MYO18B: variants seen among roughly 807,000 people sequenced by gnomAD.
MYO18B encodes the protein unconventional myosin-XVIIIb.
In MYO18B, 204 loss-of-function variants were observed where a neutral mutation model predicts 273.0. That is an observed-to-expected ratio of 0.75 (90% CI 0.67 to 0.84). The LOEUF is 0.84. Among genes scored for constraint, MYO18B ranks in the 40% least tolerant of loss-of-function variants. The pLI is 0.00. For synonymous variants in MYO18B, 1,330 were observed against 1,305.7 expected (o/e 1.02, Z -0.40); for missense variants, 3,212 against 3,287.6 (o/e 0.98, Z 0.56).
chr22:26,035,829 TTGTC>T (rs1414820088), downstream of MYO18B, among the ~76,000 whole-genome samples: 2 of 152,220 alleles, frequency 1.3e-5, no homozygotes, highest in East Asian at 1.9e-4. Flanking sequence ...GTGTGTCTCA[TTGTC>T]TGGGTGCAGC....
Position 25,910,955 on chromosome 22 carries a change from C to T in MYO18B, c.5269C>T (p.Leu1757=), listed in dbSNP as rs755657254. The T allele has an allele frequency of 7.5e-6, 12 of 1,591,964 alleles. No homozygotes were observed. The highest frequency in any genetic ancestry group is 1.0e-5 in the Non-Finnish European group (12 of 1,168,964). The change falls in exon 33 of 44, where the codon CTG becomes TTG. Residue 1757 remains leucine, a synonymous_variant. Coordinates refer to ENST00000335473, the MANE Select transcript of MYO18B (RefSeq NM_032608.7). ...RQSCQKRLHQ[L]EMQLEQEYEE... Reference sequence around the variant, plus strand: ...CCCTGTGTATCCACAGCTTCATCAGCTGGAAATGCAGCTGGAGCAAGAGTA... The same window carrying T: ...CCCTGTGTATCCACAGCTTCATCAGTTGGAAATGCAGCTGGAGCAAGAGTA...
At chr22:26,011,570 G>T (rs1039054236) in intron 42 of MYO18B, among the ~76,000 whole-genome samples, 4 of 152,208 alleles carry the variant, frequency 2.6e-5, no homozygotes, top group African/African-American at 9.7e-5. Flanking sequence ...AAGAATGGTG[G>T]GGAGGAAGGA....
At chr22:25,937,520 C>T (rs572418165) in intron 34 of MYO18B, among the ~76,000 whole-genome samples, 1 of 152,128 alleles carries the variant, frequency 6.6e-6, no homozygotes, top group African/African-American at 2.4e-5. Context: ...AAGATATTCT[C>T]CCCCATGGCC....
intron 39 of MYO18B, among the ~76,000 whole-genome samples, chr22:25,966,550 C>G (rs888684990): frequency 2.0e-5 from 3 of 152,116 alleles, no homozygotes; most frequent in South Asian, 4.2e-4. Context: ...AGGGAGATAG[C>G]CCTCCTAATT....
chr22:25,936,229 T>C (rs2092576683), intron 34 of MYO18B, among the ~76,000 whole-genome samples: 1 of 152,186 alleles, frequency 6.6e-6, no homozygotes, highest in African/African-American at 2.4e-5. Flanking sequence ...CTTTCTCTCT[T>C]TGGAGCATCA....
intron 14 of MYO18B, among the ~76,000 whole-genome samples, chr22:25,827,005 T>G (rs2089517563): frequency 6.6e-6 from 1 of 152,148 alleles, no homozygotes; most frequent in South Asian, 2.1e-4. Context: ...GAGGTTTCAG[T>G]GAGCCGAGAT....
intron 1 of MYO18B, among the ~76,000 whole-genome samples, chr22:25,753,690 G>A (rs1415496150): frequency 3.3e-5 from 5 of 152,122 alleles, no homozygotes; most frequent in South Asian, 2.1e-4. Context: ...CAGGAGGAAC[G>A]ACCAACTCCA....
intron 21 of MYO18B, 47 bp from the exon 22 acceptor site, chr22:25,868,273 C>T: frequency 6.6e-7 from 1 of 1,508,268 alleles, no homozygotes; most frequent in Non-Finnish European, 9.1e-7. Context: ...CCTTTAGGAT[C>T]CTCCTACCTT....
chr22:25,835,919 C>T (rs1298927199), intron 17 of MYO18B, among the ~76,000 whole-genome samples: 2 of 152,146 alleles, frequency 1.3e-5, no homozygotes, highest in Non-Finnish European at 2.9e-5. Flanking sequence ...CCTAGAGCAA[C>T]GAGAAGCCAT....
At chr22:25,953,943 C>T (rs1173218796) in intron 38 of MYO18B, among the ~76,000 whole-genome samples, 1 of 152,170 alleles carries the variant, frequency 6.6e-6, no homozygotes, top group Non-Finnish European at 1.5e-5. Flanking sequence ...GGCTGAACTT[C>T]ATTTGAGAGG....
the MYO18B span, among the ~76,000 whole-genome samples, chr22:26,063,519 G>T: frequency 6.6e-6 from 1 of 152,126 alleles, no homozygotes; most frequent in East Asian, 1.9e-4. Flanking sequence ...TAGCCAGAGG[G>T]GGCAGTCAGG....
intron 14 of MYO18B, among the ~76,000 whole-genome samples, chr22:25,827,367 T>C (rs1184723814): frequency 6.6e-6 from 1 of 152,156 alleles, no homozygotes; most frequent in African/African-American, 2.4e-5. Flanking sequence ...GGGAGCAACA[T>C]GGTAGAAATT....
At chr22:25,947,535 CACA>C (rs2092728432) in intron 35 of MYO18B, among the ~76,000 whole-genome samples, 174 bp from the exon 36 acceptor site, 2 of 144,394 alleles carry the variant, frequency 1.4e-5, no homozygotes, top group South Asian at 4.3e-4. Context: ...CACACACACA[CACA>C]CACACCAAGC....
chr22:25,878,195 A>G (rs1423417735), intron 25 of MYO18B, 147 bp downstream of exon 25: 1 of 623,186 alleles, frequency 1.6e-6, no homozygotes, highest in East Asian at 3.2e-5. Flanking sequence ...GCTGTTATTG[A>G]ACCCATTTTA....
chr22:26,037,969 C>T, the MYO18B span, among the ~76,000 whole-genome samples: 1 of 152,166 alleles, frequency 6.6e-6, no homozygotes, highest in Non-Finnish European at 1.5e-5. Flanking sequence ...TTCCTTGTGG[C>T]TGAGGAGCAA....
At position 25,859,363 on chromosome 22, in the gene MYO18B, A is replaced by C. The variant is rs527829354; in HGVS notation, c.3885+7784A>C. ...AGTCTTTGCACAGAAACATGTTTCT[A>C]CTTTTTTTGGGTGCATTCTTGGAGG... On this transcript the variant is annotated intron_variant, in intron 21 of 43. Coordinates refer to ENST00000335473, the MANE Select transcript of MYO18B (RefSeq NM_032608.7). 5.9e-5 allele frequency among the ~76,000 whole-genome samples: 9 copies of C among 152,320 alleles called. No homozygotes were observed. The South Asian group carries it at 1.2e-3, about 21-fold the overall frequency.
chr22:25,784,937 C>T (rs150472469), intron 10 of MYO18B, among the ~76,000 whole-genome samples: 17 of 152,326 alleles, frequency 1.1e-4, no homozygotes, highest in African/African-American at 3.6e-4. Context: ...CAGACCTCAG[C>T]TCAGCTTCTG....
chr22:25,893,679 C>A (rs930086098), intron 27 of MYO18B, among the ~76,000 whole-genome samples: 1 of 152,078 alleles, frequency 6.6e-6, no homozygotes, highest in African/African-American at 2.4e-5. Context: ...TATTATTATA[C>A]CATCCGTTAT....
intron 21 of MYO18B, 83 bp from the exon 22 acceptor site, chr22:25,868,237 C>G: frequency 8.5e-7 from 1 of 1,177,674 alleles, no homozygotes; most frequent in Non-Finnish European, 1.2e-6. Context: ...CCTGGCGCAT[C>G]AGCCATCGAG....
Sources: gnomAD v4.1 joint callset for allele counts (sites outside exome capture counted in the v4.1 genomes callset) on GRCh38, gnomAD v4.1.1 for gene constraint, MANE v1.5 for transcripts, NCBI Gene and HGNC (gene_info 2026-07-23, HGNC 2026-07-21) for gene names.